GPR39: variants seen among roughly 807,000 people sequenced by gnomAD.
The protein encoded by GPR39 is G protein-coupled receptor 39, also known as zinc sensing receptor.
A neutral mutation model predicts 18.4 loss-of-function variants in GPR39; 23 were observed. That is an observed-to-expected ratio of 1.25 (90% CI 0.90 to 1.77). The LOEUF is 1.77. GPR39 is among the 40% of genes most tolerant of loss of function. GPR39 has a pLI of 0.00. For missense variants in GPR39, 647 were observed against 602.4 expected (o/e 1.07, Z -0.78); for synonymous variants, 280 against 257.9 (o/e 1.09, Z -0.82).
At chr2:132,487,380 C>T (rs570172658) in intron 1 of GPR39, among the ~76,000 whole-genome samples, 2 of 152,302 alleles carry the variant, frequency 1.3e-5, no homozygotes, top group South Asian at 4.1e-4. Context: ...GATAGATTTG[C>T]TTGATGCAGT....
At chr2:132,598,188 G>T (rs1680980195) in intron 1 of GPR39, among the ~76,000 whole-genome samples, 1 of 152,200 alleles carries the variant, frequency 6.6e-6, no homozygotes, top group Non-Finnish European at 1.5e-5. Flanking sequence ...GGCTCTCCTT[G>T]CAGGAATTGG....
chr2:132,449,692 G>C (rs1680600168), intron 1 of GPR39, among the ~76,000 whole-genome samples: 2 of 151,624 alleles, frequency 1.3e-5, no homozygotes. Flanking sequence ...CAGTTGAACT[G>C]AGAGCAAGTG....
intron 1 of GPR39, among the ~76,000 whole-genome samples, 159 bp downstream of exon 1, chr2:132,418,057 T>C (rs1293335939): frequency 6.6e-6 from 1 of 152,200 alleles, no homozygotes; most frequent in Non-Finnish European, 1.5e-5. Context: ...AGGGCATTGC[T>C]CTGGGTCTCT....
intron 1 of GPR39, among the ~76,000 whole-genome samples, chr2:132,585,143 G>A (rs751038490): frequency 7.9e-5 from 12 of 152,146 alleles, no homozygotes; most frequent in Non-Finnish European, 1.8e-4. Context: ...TCACAGAGGT[G>A]TCTCATGGAT....
At chr2:132,619,503 G>A (rs2104857952) in intron 1 of GPR39, among the ~76,000 whole-genome samples, 1 of 152,292 alleles carries the variant, frequency 6.6e-6, no homozygotes, top group Middle Eastern at 3.4e-3. Context: ...AAGAAACCAA[G>A]TAGAGGGAGC....
intron 1 of GPR39, among the ~76,000 whole-genome samples, chr2:132,529,642 C>A (rs1260149798): frequency 6.6e-6 from 1 of 152,186 alleles, no homozygotes; most frequent in African/African-American, 2.4e-5. Context: ...CCGGGTACTC[C>A]TCTGAGACAA....
At chr2:132,549,648 C>T (rs550930435) in intron 1 of GPR39, among the ~76,000 whole-genome samples, 5 of 152,128 alleles carry the variant, frequency 3.3e-5, no homozygotes, top group South Asian at 2.1e-4. Context: ...ATTAGCCAGA[C>T]GTGGTGGTGC....
chr2:132,572,383 G>C (rs974340990), intron 1 of GPR39, among the ~76,000 whole-genome samples: 2 of 152,070 alleles, frequency 1.3e-5, no homozygotes, highest in African/African-American at 4.8e-5. Context: ...AAGTGCATCT[G>C]AGCAGAGCAT....
intron 1 of GPR39, among the ~76,000 whole-genome samples, chr2:132,480,538 G>A (rs1037176582): frequency 1.3e-5 from 2 of 152,142 alleles, no homozygotes; most frequent in African/African-American, 4.8e-5. Context: ...TAGGCTTGAT[G>A]AGATGTAACT....
chr2:132,532,899 GA>G (rs2104777429), intron 1 of GPR39, among the ~76,000 whole-genome samples: 1 of 152,282 alleles, frequency 6.6e-6, no homozygotes, highest in East Asian at 1.9e-4. Flanking sequence ...ATATTGAATG[GA>G]CAAGAACTGG....
intron 1 of GPR39, among the ~76,000 whole-genome samples, chr2:132,418,743 G>A (rs1679956918): frequency 6.6e-6 from 1 of 152,192 alleles, no homozygotes; most frequent in Admixed American, 6.5e-5. Flanking sequence ...CTAGTGGCTG[G>A]GAGACAAGGC....
At chr2:132,527,589 A>G (rs1045905529) in intron 1 of GPR39, among the ~76,000 whole-genome samples, 1 of 152,152 alleles carries the variant, frequency 6.6e-6, no homozygotes, top group African/African-American at 2.4e-5. Context: ...TCTCCACAGC[A>G]TTGCCAGCAT....
At chr2:132,541,114 T>A (rs1025655840) in intron 1 of GPR39, among the ~76,000 whole-genome samples, 2 of 152,122 alleles carry the variant, frequency 1.3e-5, no homozygotes, top group African/African-American at 4.8e-5. Flanking sequence ...GATGGAGTCT[T>A]GCTCTGTCAA....
chr2:132,518,324 A>G (rs949151698), intron 1 of GPR39, among the ~76,000 whole-genome samples: 3 of 152,234 alleles, frequency 2.0e-5, no homozygotes, highest in Non-Finnish European at 4.4e-5. Context: ...TCCCTCTCCA[A>G]TTAGAGGACA....
At chr2:132,487,783 G>C (rs574590309) in intron 1 of GPR39, among the ~76,000 whole-genome samples, 1 of 152,104 alleles carries the variant, frequency 6.6e-6, no homozygotes, top group Non-Finnish European at 1.5e-5. Flanking sequence ...GATAAGAGTC[G>C]TAGAGGGTAG....
chr2:132,569,960 A>G (rs1558843418), intron 1 of GPR39, among the ~76,000 whole-genome samples: 1 of 152,154 alleles, frequency 6.6e-6, no homozygotes, highest in Non-Finnish European at 1.5e-5. Context: ...TAAATCCAAG[A>G]GACCTCTTAT....
In GPR39 at chr2:132,417,212, T is replaced by G. The variant is rs770661284; in HGVS notation, c.170T>G (p.Val57Gly). 1 of 1,614,092 alleles carries G rather than the reference T, an allele frequency of 6.2e-7. No homozygotes were observed. Among genetic ancestry groups the G allele is most frequent in the Non-Finnish European group, 8.5e-7 (1 of 1,180,024 alleles). ...GNSATIRVTQVLQKKGYLQKE... is the reference protein window; with the variant it reads ...GNSATIRVTQGLQKKGYLQKE... ...AGCGCCACCATTCGGGTCACCCAGG[T>G]GCTGCAGAAGAAAGGATACTTGCAG... Residue 57 changes from valine (V) to glycine (G), a missense_variant, in exon 1 of 2, where the codon GTG becomes GGG. Physicochemically the swap from Val to Gly is moderately radical, Grantham distance 109. Around this residue, in one of 3 missense-constraint regions of GPR39, gnomAD observed 61 missense variants for 79.2 expected, o/e 0.77. Coordinates refer to ENST00000329321, the MANE Select transcript of GPR39 (RefSeq NM_001508.3).
intron 1 of GPR39, among the ~76,000 whole-genome samples, chr2:132,637,031 A>G (rs1241949443): frequency 1.3e-5 from 2 of 152,208 alleles, no homozygotes; most frequent in East Asian, 3.9e-4. Flanking sequence ...CTATCAGTGG[A>G]TTGAGAATAG....
intron 1 of GPR39, among the ~76,000 whole-genome samples, chr2:132,475,212 A>G (rs540535745): frequency 6.6e-6 from 1 of 151,858 alleles, no homozygotes; most frequent in African/African-American, 2.4e-5. Context: ...TCCTTTGCTG[A>G]GTAGTCTCTT....
Sources: allele counts gnomAD v4.1 joint callset (sites outside exome capture counted in the v4.1 genomes callset), GRCh38; gene constraint gnomAD v4.1.1; regional missense constraint gnomAD v4.1.1; transcripts MANE v1.5; gene names NCBI Gene and HGNC (gene_info 2026-07-23, HGNC 2026-07-21).